COG4: variants seen among roughly 807,000 people sequenced by gnomAD.
The protein encoded by COG4 is component of oligomeric golgi complex 4.
A neutral mutation model predicts 95.1 loss-of-function variants in COG4; 65 were observed. The observed-to-expected ratio is 0.68, with a 90% CI of 0.56 to 0.84. The LOEUF is 0.84. Ranked by LOEUF, COG4 falls within the 40% of genes least tolerant of loss-of-function variation. COG4 has a pLI of 0.00. For synonymous variants in COG4, 421 were observed against 374.8 expected (o/e 1.12, Z -1.42); for missense variants, 1,045 against 989.1 (o/e 1.06, Z -0.76).
Position 70,508,414 on chromosome 16 carries a change from G to T in COG4, c.1053C>A (p.Ile351=). 1 of 1,613,684 alleles carries T rather than the reference G, an allele frequency of 6.2e-7. No homozygotes were observed. Among genetic ancestry groups the T allele is most frequent in the East Asian group, 2.2e-5 (1 of 44,876 alleles). Residue 351 remains isoleucine (I), a synonymous_variant, in exon 8 of 19, where the codon ATC becomes ATA. Coordinates refer to ENST00000323786, the MANE Select transcript of COG4 (RefSeq NM_015386.3). Reference sequence around the variant, plus strand: ...GAGAGAAGGATTATTACCTTGGTTCGATTTTTTCTGTTGTAGAATTTCTCA... The same window carrying T: ...GAGAGAAGGATTATTACCTTGGTTCTATTTTTTCTGTTGTAGAATTTCTCA... The part of the protein sequence containing the change: ...NLMRNSTTEK[I]EPRELDPILT...
chr16:70,485,848 G>A (rs1429666895), intron 13 of COG4, among the ~76,000 whole-genome samples: 1 of 151,356 alleles, frequency 6.6e-6, no homozygotes, highest in African/African-American at 2.4e-5. Context: ...GCCTCCCAAA[G>A]TGCTGAGATT....
At chr16:70,485,159 C>G (rs924261443) in intron 13 of COG4, among the ~76,000 whole-genome samples, 8 of 150,932 alleles carry the variant, frequency 5.3e-5, no homozygotes, top group Non-Finnish European at 1.0e-4. Flanking sequence ...TGCTGGAGCC[C>G]AGGAGTTCAA....
At chr16:70,515,893 T>A in intron 3 of COG4, 2 of 411,114 alleles carry the variant, frequency 4.9e-6, no homozygotes, top group South Asian at 1.7e-5. Context: ...GGTCTCCAAC[T>A]TCTGGCCTCA....
chr16:70,481,948 G>A, intron 16 of COG4, 83 bp from the exon 17 acceptor site: 1 of 1,407,842 alleles, frequency 7.1e-7, no homozygotes, highest in South Asian at 1.2e-5. Context: ...GAGGATAGTA[G>A]CGTGAGGCCA....
chr16:70,484,918 CA>C, intron 13 of COG4, among the ~76,000 whole-genome samples: 1 of 152,116 alleles, frequency 6.6e-6, no homozygotes, highest in African/African-American at 2.4e-5. Context: ...AAAAACAAAA[CA>C]AAATGAAAAC....
At chr16:70,502,979 T>C (rs761313283) in intron 8 of COG4, among the ~76,000 whole-genome samples, 3 of 152,182 alleles carry the variant, frequency 2.0e-5, no homozygotes, top group African/African-American at 7.2e-5. Flanking sequence ...AAGAATCAAG[T>C]TGAACCCCTA....
At chr16:70,496,815 C>T (rs1008014978) in intron 11 of COG4, among the ~76,000 whole-genome samples, 1 of 152,150 alleles carries the variant, frequency 6.6e-6, no homozygotes, top group Non-Finnish European at 1.5e-5. Flanking sequence ...TTGACGAGGA[C>T]GGAATCTCCC....
Position 70,481,364 on chromosome 16 carries a change from C to G in COG4, c.2230G>C (p.Glu744Gln), listed in dbSNP as rs1485532499. The change falls in exon 18 of 19, where the codon GAG becomes CAG. Residue 744 changes from glutamate to glutamine, a missense_variant. Glu to Gln is a conservative substitution (Grantham distance 29, BLOSUM62 2). Coordinates refer to ENST00000323786, the MANE Select transcript of COG4 (RefSeq NM_015386.3). ...GCCAAGGGTGCCCCACCTACCCGCT[C>G]CAGATTGAGGATGGTGGCCATCTGG... ...LSQMATILNL[E>Q]RVTEILDYWG... 3 of 1,612,814 alleles carry G rather than the reference C, an allele frequency of 1.9e-6. No homozygotes were observed. The highest frequency in any genetic ancestry group is 1.3e-5 in the African/African-American group (1 of 74,882).
intron 7 of COG4, 100 bp from the exon 8 acceptor site, chr16:70,508,564 T>C (rs1282057296): frequency 9.8e-7 from 1 of 1,020,256 alleles, no homozygotes. Flanking sequence ...AACATTTAGA[T>C]TTAGTTTGTT....
At position 70,512,434 on chromosome 16, in the gene COG4, T is replaced by G. The variant is rs780235534; in HGVS notation, c.545-2A>C. On this transcript the variant is annotated splice_acceptor_variant, in intron 4 of 18. Transcript: ENST00000323786. LOFTEE classifies it high-confidence loss of function. The stretch of plus-strand genomic sequence containing the variant: ...TCAGGTTGGCATCAATCATGCTCCC[T>G]GCTCAACAGGGAGAAAATGAAAATT... 3 of 1,613,234 alleles carry G rather than the reference T, an allele frequency of 1.9e-6. No individual in the cohort carries two copies. The highest frequency in any genetic ancestry group is 2.5e-6 in the Non-Finnish European group (3 of 1,179,436).
chr16:70,513,044 G>A (rs181672258), intron 4 of COG4, among the ~76,000 whole-genome samples: 25 of 152,336 alleles, frequency 1.6e-4, no homozygotes, highest in African/African-American at 6.0e-4. Context: ...CCTAGAGAAG[G>A]TGACATCCCA....
chr16:70,512,355 C>A lies in COG4; in HGVS notation c.622G>T (p.Ala208Ser). 1.2e-6 allele frequency: 2 copies of A among 1,614,150 alleles called. No homozygotes were observed. The highest frequency in any genetic ancestry group is 1.7e-6 in the Non-Finnish European group (2 of 1,180,018). ...AGATCACCTTCCTTGGTGGCAATGG[C>A]AAACTTCTCTGCCACAATGGCTTTG... ...RLKAIVAEKF[A>S]IATKEGDLPQ... Residue 208 changes from alanine (A) to serine (S), a missense_variant, in exon 5 of 19, where the codon GCC becomes TCC. Transcript: ENST00000323786.
At chr16:70,513,808 G>A (rs527720609) in intron 4 of COG4, among the ~76,000 whole-genome samples, 1 of 152,218 alleles carries the variant, frequency 6.6e-6, no homozygotes, top group African/African-American at 2.4e-5. Flanking sequence ...AACTGAAGCT[G>A]CAGGTAACTG....
At chr16:70,503,383 G>C (rs2049492110) in intron 8 of COG4, among the ~76,000 whole-genome samples, 1 of 152,026 alleles carries the variant, frequency 6.6e-6, no homozygotes, top group African/African-American at 2.4e-5. Context: ...CATAAATCTG[G>C]TCATATCATA....
intron 15 of COG4, chr16:70,482,511 G>A (rs1044649511): frequency 4.0e-5 from 25 of 625,592 alleles, no homozygotes; most frequent in Middle Eastern, 4.1e-4. Context: ...TCCAATAAGG[G>A]AATAAGTTAG....
At position 70,490,348 on chromosome 16, in the gene COG4, A is replaced by T; in HGVS notation, c.1692T>A (p.Thr564=). 1.9e-6 allele frequency: 3 copies of T among 1,613,816 alleles called. No homozygotes were observed. The South Asian group carries it at 3.3e-5, about 18-fold the overall frequency. Reference sequence around the variant, plus strand: ...CTCGTACCTCCAGTGTCTTCTTCAGAGTGGAGATGTTTTCACTGCAGACTT... The same window carrying T: ...CTCGTACCTCCAGTGTCTTCTTCAGTGTGGAGATGTTTTCACTGCAGACTT... ...NVEVCSENIS[T]LKKTLESDCT... The change falls in exon 13 of 19, where the codon ACT becomes ACA. Residue 564 remains threonine, a synonymous_variant. Transcript: ENST00000323786.
In COG4 at chr16:70,483,819, C is replaced by T. The variant is rs534057433; in HGVS notation, c.1827+34G>A. 5.4e-6 allele frequency: 8 copies of T among 1,472,916 alleles called. No individual in the cohort carries two copies. In the South Asian group the frequency reaches 9.1e-5, roughly 17 times the overall value. The allele number at this position is 1,472,916 out of a possible 1,614,324, so 91.2% of individuals were successfully genotyped here. A position where few individuals can be genotyped will look rare whatever the true frequency, so the allele number is the denominator to read the frequency against. On this transcript the variant is annotated intron_variant, in intron 14 of 18. Coordinates refer to ENST00000323786, the MANE Select transcript of COG4 (RefSeq NM_015386.3). ...ATCTTCTCAGAGCAACACACAGGCACAGGATTCAGTCAGCAGTTGAACCTG... is the reference window on the plus strand; with the variant it reads ...ATCTTCTCAGAGCAACACACAGGCATAGGATTCAGTCAGCAGTTGAACCTG...
chr16:70,497,358 G>A lies in COG4; in HGVS notation c.1344C>T (p.Gly448=), dbSNP rs1264428014. 1.2e-6 allele frequency: 2 copies of A among 1,613,610 alleles called. No individual in the cohort carries two copies. Among genetic ancestry groups the A allele is most frequent in the African/African-American group, 2.7e-5 (2 of 74,882 alleles). ...KAVALDTYEK[G]QLTSSMVDDV... The stretch of plus-strand genomic sequence containing the variant: ...CATCCACCATGCTGGATGTCAGCTG[G>A]CCCTTCTCATAGGTGTCCAGAGCCA... The change falls in exon 11 of 19, where the codon GGC becomes GGT. Residue 448 remains glycine (G), a synonymous_variant. Coordinates refer to ENST00000323786, the MANE Select transcript of COG4 (RefSeq NM_015386.3).
intron 8 of COG4, among the ~76,000 whole-genome samples, chr16:70,501,932 G>C (rs2049460229): frequency 6.6e-6 from 1 of 151,462 alleles, no homozygotes; most frequent in African/African-American, 2.4e-5. Flanking sequence ...TTGGCCTCTT[G>C]AAGTGCTGGG....
Sources: allele counts gnomAD v4.1 joint callset (sites outside exome capture counted in the v4.1 genomes callset), GRCh38; gene constraint gnomAD v4.1.1; transcripts MANE v1.5; gene names NCBI Gene and HGNC (gene_info 2026-07-23, HGNC 2026-07-21).